The following FLACC1 variants were observed in gnomAD, a reference collection of about 807,000 sequenced individuals.
FLACC1 encodes the protein flagellum associated containing coiled-coil domains 1.
In FLACC1, 66 loss-of-function variants were observed where a neutral mutation model predicts 62.8. The observed-to-expected ratio is 1.05, with a 90% CI of 0.86 to 1.29. The LOEUF (loss-of-function observed/expected upper bound fraction) is 1.29. Ranked by LOEUF, FLACC1 falls within the 50% of genes most tolerant of loss-of-function variation. FLACC1 has a pLI of 0.00. For missense variants in FLACC1, 452 were observed against 489.1 expected (o/e 0.92, Z 0.71); for synonymous variants, 156 against 161.0 (o/e 0.97, Z 0.24).
chr2:201,307,066 A>G (rs1950122056), intron 11 of FLACC1, among the ~76,000 whole-genome samples: 1 of 152,220 alleles, frequency 6.6e-6, no homozygotes, highest in South Asian at 2.1e-4. Flanking sequence ...TAGAATTCCA[A>G]TATATCTAAG....
intron 8 of FLACC1, 97 bp downstream of exon 8, chr2:201,330,639 A>C: frequency 6.5e-7 from 1 of 1,532,996 alleles, no homozygotes; most frequent in South Asian, 1.2e-5. Flanking sequence ...CAAGGTAGTA[A>C]AACCTTTGTG....
At chr2:201,320,924 C>T (rs1363739023) in intron 9 of FLACC1, among the ~76,000 whole-genome samples, 1 of 152,224 alleles carries the variant, frequency 6.6e-6, no homozygotes, top group African/African-American at 2.4e-5. Context: ...GGCCAACCAA[C>T]ACAGTCCATT....
intron 7 of FLACC1, among the ~76,000 whole-genome samples, chr2:201,337,081 A>G (rs1344091456): frequency 6.6e-6 from 1 of 152,158 alleles, no homozygotes; most frequent in African/African-American, 2.4e-5. Context: ...CTCCCATTTA[A>G]GAGAATGTCT....
chr2:201,352,817 G>C (rs549228636), intron 1 of FLACC1, among the ~76,000 whole-genome samples: 1 of 152,344 alleles, frequency 6.6e-6, no homozygotes, highest in East Asian at 1.9e-4. Flanking sequence ...TTAAATGAAA[G>C]ATCTTGAGAT....
In FLACC1 at chr2:201,288,522, C is replaced by T. The variant is rs1208456175; in HGVS notation, c.*133G>A. On this transcript the variant is annotated 3_prime_UTR_variant, in exon 15 of 15. Transcript: ENST00000392257. ...AGATGCGAATTCAAACATTTTCAGA[C>T]ATTCAGAGAGTCAGAGCAACCCAAG... The T allele has an allele frequency of 5.5e-6, 6 of 1,085,708 alleles. No individual in the cohort carries two copies. The highest frequency in any genetic ancestry group is 7.8e-6 in the Non-Finnish European group (6 of 772,526). 67.3% of individuals were successfully genotyped at this position (1,085,708 alleles called of 1,614,324 possible).
chr2:201,345,221 A>C (rs1178059826), intron 5 of FLACC1, among the ~76,000 whole-genome samples: 5 of 152,204 alleles, frequency 3.3e-5, no homozygotes. Flanking sequence ...CAGGGAAAAG[A>C]AAGCAGAGGC....
At chr2:201,316,971 C>T (rs1043728565) in intron 9 of FLACC1, among the ~76,000 whole-genome samples, 6 of 152,000 alleles carry the variant, frequency 3.9e-5, no homozygotes, top group African/African-American at 9.7e-5. Flanking sequence ...TCAATAGATG[C>T]GGAAAAAGCA....
chr2:201,351,517 T>A (rs1428971709), intron 1 of FLACC1, 66 bp from the exon 2 acceptor site: 2 of 779,606 alleles, frequency 2.6e-6, no homozygotes, highest in Non-Finnish European at 4.2e-6. Flanking sequence ...ACAGAAGAAT[T>A]GGGAAGAACC....
At chr2:201,299,357 G>T in intron 11 of FLACC1, 57 bp from the exon 12 acceptor site, 1 of 1,446,100 alleles carries the variant, frequency 6.9e-7, no homozygotes, top group Non-Finnish European at 9.7e-7. Context: ...CATCTTCTAG[G>T]GAGTTAAGAA....
intron 7 of FLACC1, among the ~76,000 whole-genome samples, chr2:201,338,597 G>T (rs948044933): frequency 6.6e-6 from 1 of 151,904 alleles, no homozygotes; most frequent in Non-Finnish European, 1.5e-5. Context: ...CTTGTTGAAA[G>T]GTTTTATTTT....
rs1553611895 is a variant in FLACC1, at chr2:201,309,925, A to AGAAGAAG, written c.676-676_676-675insCTTCTTC. On this transcript the variant is annotated intron_variant, in intron 9 of 14. Coordinates refer to ENST00000392257, the MANE Select transcript of FLACC1 (RefSeq NM_001127391.3). The stretch of plus-strand genomic sequence containing the variant: ...TGTCTCAAAAAAAAAAAAAAAAAAA[A>AGAAGAAG]AAGAAGAAGAAAGGAAATACCTAGT... Among the ~76,000 whole-genome samples, 3 of 99,464 alleles carry AGAAGAAG rather than the reference A, an allele frequency of 3.0e-5. No homozygotes were observed. The South Asian group carries it at 1.2e-3, about 40-fold the overall frequency. 65.3% of individuals were successfully genotyped at this position (99,464 alleles called of 152,430 possible).
intron 11 of FLACC1, among the ~76,000 whole-genome samples, chr2:201,299,831 A>C (rs971306970): frequency 6.6e-6 from 1 of 152,230 alleles, no homozygotes. Flanking sequence ...AACAGAACGG[A>C]GAGTCCTAAC....
intron 9 of FLACC1, among the ~76,000 whole-genome samples, chr2:201,324,093 T>C (rs192040394): frequency 3.8e-4 from 58 of 152,216 alleles, no homozygotes; most frequent in African/African-American, 1.3e-3. Context: ...ACAATCCAAA[T>C]ATCTGCTGTC....
intron 4 of FLACC1, among the ~76,000 whole-genome samples, chr2:201,347,117 G>A (rs1385249491): frequency 6.6e-6 from 1 of 151,948 alleles, no homozygotes; most frequent in Non-Finnish European, 1.5e-5. Flanking sequence ...AAGGGCTTTT[G>A]TGAGGGAAAA....
chr2:201,354,699 T>A (rs1308939021), intron 1 of FLACC1, among the ~76,000 whole-genome samples: 1 of 152,218 alleles, frequency 6.6e-6, no homozygotes, highest in Non-Finnish European at 1.5e-5. Context: ...AAACTGCTTC[T>A]GCTTAGAACC....
At chr2:201,325,662 T>C in intron 9 of FLACC1, among the ~76,000 whole-genome samples, 1 of 152,112 alleles carries the variant, frequency 6.6e-6, no homozygotes. Flanking sequence ...AGCAGCAAGA[T>C]TGAATCAGTA....
chr2:201,324,728 T>C (rs11688692), intron 9 of FLACC1, among the ~76,000 whole-genome samples: 51,001 of 152,108 alleles, frequency 0.34, 10,113 homozygotes, highest in East Asian at 0.48. Context: ...TACAGATACA[T>C]GGAAATAAAA....
At chr2:201,323,427 G>A (rs1950441259) in intron 9 of FLACC1, among the ~76,000 whole-genome samples, 1 of 152,104 alleles carries the variant, frequency 6.6e-6, no homozygotes, top group South Asian at 2.1e-4. Context: ...GAAGGTATTG[G>A]GGTCTTATCT....
chr2:201,311,442 C>G (rs180832019), intron 9 of FLACC1, among the ~76,000 whole-genome samples: 95 of 152,164 alleles, frequency 6.2e-4, no homozygotes, highest in Non-Finnish European at 1.1e-3. Context: ...TAATTCATGG[C>G]CAGGCACGGT....
Sources: allele counts gnomAD v4.1 joint callset (sites outside exome capture counted in the v4.1 genomes callset), GRCh38; gene constraint gnomAD v4.1.1; transcripts MANE v1.5; gene names NCBI Gene and HGNC (gene_info 2026-07-23, HGNC 2026-07-21).